Variants in EYA4 observed in about 807,000 individuals in gnomAD.
EYA4 encodes the protein protein phosphatase EYA4.
Under a neutral mutation model 87.9 loss-of-function variants are expected in EYA4, and 31 were observed. The observed-to-expected ratio is 0.35, with a 90% CI of 0.27 to 0.48. The LOEUF (loss-of-function observed/expected upper bound fraction) is 0.48. EYA4 is among the 20% of genes least tolerant of loss of function. EYA4 has a pLI of 0.99. For missense variants in EYA4, 678 were observed against 761.4 expected, an observed-to-expected ratio of 0.89 and a Z score of 1.29; for synonymous variants, 263 against 270.6, an observed-to-expected ratio of 0.97 and a Z score of 0.28.
chr6:133,450,425 A>G (rs1357083804), intron 5 of EYA4, among the ~76,000 whole-genome samples: 2 of 152,240 alleles, frequency 1.3e-5, no homozygotes, highest in African/African-American at 4.8e-5. Context: ...TAAAATTATA[A>G]CAAAACAAAA....
At chr6:133,264,295 A>C (rs1264370440) in intron 1 of EYA4, among the ~76,000 whole-genome samples, 1 of 152,236 alleles carries the variant, frequency 6.6e-6, no homozygotes, top group Admixed American at 6.5e-5. Context: ...ACCGCTAGAC[A>C]CTGCCATGGC....
chr6:133,375,995 AG>A (rs1785648061), intron 2 of EYA4, among the ~76,000 whole-genome samples: 1 of 151,828 alleles, frequency 6.6e-6, no homozygotes, highest in Admixed American at 6.6e-5. Context: ...GATATACTAC[AG>A]TTTTTTGAAA....
At chr6:133,450,971 A>G (rs1173204678) in intron 5 of EYA4, among the ~76,000 whole-genome samples, 2 of 152,254 alleles carry the variant, frequency 1.3e-5, no homozygotes, top group Admixed American at 6.5e-5. Context: ...TATATGGAAC[A>G]TAGATTTTCC....
chr6:133,394,434 G>A (rs140396697), intron 3 of EYA4, among the ~76,000 whole-genome samples: 68 of 151,288 alleles, frequency 4.5e-4, no homozygotes, highest in African/African-American at 1.6e-3. Flanking sequence ...GTTCAACAGC[G>A]GCACCTTTAT....
intron 1 of EYA4, among the ~76,000 whole-genome samples, chr6:133,263,755 T>C (rs73776008): frequency 0.084 from 12,859 of 152,208 alleles, 1,773 homozygotes; most frequent in African/African-American, 0.29. Flanking sequence ...GTAGACCAAC[T>C]GTTGTGAGTG....
intron 3 of EYA4, among the ~76,000 whole-genome samples, chr6:133,405,301 C>G (rs1215657166): frequency 6.6e-6 from 1 of 152,194 alleles, no homozygotes; most frequent in African/African-American, 2.4e-5. Context: ...AATGGACTGA[C>G]ATCTTGTGGC....
chr6:133,500,919 G>T (rs546655970), intron 13 of EYA4, among the ~76,000 whole-genome samples: 8 of 152,148 alleles, frequency 5.3e-5, no homozygotes, highest in Non-Finnish European at 7.3e-5. Flanking sequence ...GAGCCACCTT[G>T]TTGCCAAATC....
chr6:133,515,520 T>C lies in EYA4; in HGVS notation c.1616+85T>C, dbSNP rs1799514933. On this transcript the variant is annotated intron_variant, in intron 17 of 19. Transcript: ENST00000355286. ...AACATAGAAAAAATGTTTTAATTCC[T>C]AGACTGTTTTAGACTTTAAGGGACC... The C allele has an allele frequency of 3.5e-6, 3 of 859,472 alleles. No individual in the cohort carries two copies. The South Asian group carries it at 4.0e-5, about 12-fold the overall frequency. 53.2% of individuals were successfully genotyped at this position (859,472 alleles called of 1,614,324 possible).
intron 2 of EYA4, among the ~76,000 whole-genome samples, chr6:133,312,382 GCACACA>G (rs78921867): frequency 0.016 from 2,351 of 147,880 alleles, 26 homozygotes; most frequent in Middle Eastern, 0.046. Flanking sequence ...AGAGGCGCGT[GCACACA>G]CACACACACA....
intron 3 of EYA4, among the ~76,000 whole-genome samples, chr6:133,408,018 T>C (rs1442600720): frequency 6.6e-6 from 1 of 152,234 alleles, no homozygotes. Context: ...AGGCAAAGCT[T>C]TAACTTTTTC....
At chr6:133,431,671 C>T (rs1249497657) in intron 3 of EYA4, among the ~76,000 whole-genome samples, 1 of 152,132 alleles carries the variant, frequency 6.6e-6, no homozygotes, top group Non-Finnish European at 1.5e-5. Context: ...GATCAGTCTC[C>T]TTAAAATTAA....
chr6:133,326,900 C>G (rs1781542872), intron 2 of EYA4, among the ~76,000 whole-genome samples: 1 of 152,134 alleles, frequency 6.6e-6, no homozygotes, highest in South Asian at 2.1e-4. Flanking sequence ...CTGGCCTGAC[C>G]CAAACCTCTT....
At chr6:133,407,869 A>G (rs892697959) in intron 3 of EYA4, among the ~76,000 whole-genome samples, 7 of 152,346 alleles carry the variant, frequency 4.6e-5, no homozygotes, top group Admixed American at 3.9e-4. Context: ...TCTGTTTTCC[A>G]AATGGTAGAG....
chr6:133,303,097 T>C (rs1238100572), intron 2 of EYA4, among the ~76,000 whole-genome samples: 3 of 152,186 alleles, frequency 2.0e-5, no homozygotes, highest in African/African-American at 7.2e-5. Flanking sequence ...TGGGCAGTTA[T>C]TTGCTCTATA....
At chr6:133,505,867 T>A (rs1798563419) in intron 13 of EYA4, among the ~76,000 whole-genome samples, 1 of 152,158 alleles carries the variant, frequency 6.6e-6, no homozygotes, top group Non-Finnish European at 1.5e-5. Context: ...CAGCTTTATG[T>A]GAAAATGTAT....
chr6:133,372,318 TCAAA>T (rs1201753050), intron 2 of EYA4, among the ~76,000 whole-genome samples: 2 of 152,090 alleles, frequency 1.3e-5, no homozygotes, highest in Non-Finnish European at 2.9e-5. Context: ...GTATTTCTAC[TCAAA>T]CAAATCATAT....
At chr6:133,323,998 A>G (rs1457444263) in intron 2 of EYA4, among the ~76,000 whole-genome samples, 1 of 152,142 alleles carries the variant, frequency 6.6e-6, no homozygotes, top group East Asian at 1.9e-4. Flanking sequence ...TCTCCATTAA[A>G]TTTTTAGAAT....
At chr6:133,320,901 A>C (rs1028384035) in intron 2 of EYA4, among the ~76,000 whole-genome samples, 1 of 152,128 alleles carries the variant, frequency 6.6e-6, no homozygotes, top group Non-Finnish European at 1.5e-5. Flanking sequence ...TTTTCTACAT[A>C]CTGAGGTGTA....
intron 10 of EYA4, among the ~76,000 whole-genome samples, chr6:133,467,783 T>C (rs1794977584): frequency 6.6e-6 from 1 of 151,980 alleles, no homozygotes; most frequent in Non-Finnish European, 1.5e-5. Context: ...GGCTGACACA[T>C]GCTAGATATC....
Sources: gnomAD v4.1 joint callset for allele counts (sites outside exome capture counted in the v4.1 genomes callset) on GRCh38, gnomAD v4.1.1 for gene constraint, MANE v1.5 for transcripts, NCBI Gene and HGNC (gene_info 2026-07-23, HGNC 2026-07-21) for gene names.